Variants in FRMPD2 observed in about 807,000 individuals in gnomAD.
FRMPD2 encodes the protein FERM and PDZ domain containing 2.
Under a neutral mutation model 140.1 loss-of-function variants are expected in FRMPD2, and 96 were observed. That is an observed-to-expected ratio of 0.69 (90% confidence interval 0.58 to 0.81). The LOEUF is 0.81. Among genes scored for constraint, FRMPD2 ranks in the 40% least tolerant of loss-of-function variants. The pLI is 0.00. For synonymous variants in FRMPD2, 449 were observed against 547.6 expected (o/e 0.82, Z 2.52); for missense variants, 1,240 against 1,447.4 (o/e 0.86, Z 2.32).
chr10:48,201,511 G>T (rs901099949), intron 14 of FRMPD2, 127 bp from the exon 15 acceptor site: 1 of 678,496 alleles, frequency 1.5e-6, no homozygotes, highest in Non-Finnish European at 2.5e-6. Flanking sequence ...GTGCATGGCA[G>T]ATGCTGTCTG....
intron 1 of FRMPD2, among the ~76,000 whole-genome samples, chr10:48,271,029 T>G (rs1038120223): frequency 1.3e-5 from 2 of 152,202 alleles, no homozygotes; most frequent in Non-Finnish European, 2.9e-5. Context: ...AACACAAATC[T>G]GACCATGTCA....
At position 48,174,873 on chromosome 10, in the gene FRMPD2, C is replaced by T; in HGVS notation, c.3072G>A (p.Gly1024=). The T allele has an allele frequency of 8.3e-6, 5 of 604,846 alleles. No homozygotes were observed. The South Asian group carries it at 9.8e-5, about 12-fold the overall frequency. The allele number at this position is 604,846 out of a possible 1,614,324, so 37.5% of individuals were successfully genotyped here. Residue 1024 remains glycine, a synonymous_variant, in exon 24 of 29, where the codon GGG becomes GGA. Coordinates refer to ENST00000374201, the MANE Select transcript of FRMPD2 (RefSeq NM_001018071.4). ...TGGTCAGCAACAGTCCACTCACCTGCCCAGGACCCGTCAGGCACTGCACAG... is the reference window on the plus strand; with the variant it reads ...TGGTCAGCAACAGTCCACTCACCTGTCCAGGACCCGTCAGGCACTGCACAG... ...KQAVQCLTGP[G]QVARLVLERR...
rs1837786683 is a variant in FRMPD2, at chr10:48,156,751, A to T, written c.*571T>A. ...CCCAGTTCTAAGACAGACTCGTCAC[A>T]TGGCAAGCAGAGTCGGTCAGACTTT... On this transcript the variant is annotated 3_prime_UTR_variant, in exon 29 of 29. Coordinates refer to ENST00000374201, the MANE Select transcript of FRMPD2 (RefSeq NM_001018071.4). The T allele has an allele frequency of 5.5e-6, 1 of 181,340 alleles. No individual in the cohort carries two copies. Among genetic ancestry groups the T allele is most frequent in the South Asian group, 1.0e-4 (1 of 9,558 alleles). The allele number at this position is 181,340 out of a possible 1,614,324, so 11.2% of individuals were successfully genotyped here. A position where few individuals can be genotyped will look rare whatever the true frequency, so the allele number is the denominator to read the frequency against.
At position 48,223,619 on chromosome 10, in the gene FRMPD2, A is replaced by C. The variant is rs555638554; in HGVS notation, c.1169-349T>G. Among the ~76,000 whole-genome samples the C allele has an allele frequency of 1.1e-4, 17 of 152,326 alleles. No homozygotes were observed. In the South Asian group the frequency reaches 3.5e-3, roughly 32 times the overall value. On this transcript the variant is annotated intron_variant, in intron 10 of 28. Coordinates refer to ENST00000374201, the MANE Select transcript of FRMPD2 (RefSeq NM_001018071.4). ...GAAAGGAGTTTGACTAAGTTTGTGC[A>C]ATGTGCCAGAACCCTCCACCTCAGC...
chr10:48,182,698 CATT>C (rs10539781), intron 20 of FRMPD2, among the ~76,000 whole-genome samples: 34,670 of 152,046 alleles, frequency 0.23, 4,023 homozygotes, highest in East Asian at 0.43. Context: ...GTGGGAAACT[CATT>C]GTCTGGAATT....
At chr10:48,229,379 C>G (rs1362047302) in intron 10 of FRMPD2, among the ~76,000 whole-genome samples, 1 of 152,024 alleles carries the variant, frequency 6.6e-6, no homozygotes, top group East Asian at 1.9e-4. Context: ...GGTTTTAAAC[C>G]TTTTGACAGT....
At chr10:48,190,431 C>G (rs910301016) in intron 16 of FRMPD2, among the ~76,000 whole-genome samples, 5 of 152,238 alleles carry the variant, frequency 3.3e-5, no homozygotes, top group Non-Finnish European at 7.3e-5. Flanking sequence ...GGCCTCTGCA[C>G]ACCTCTGTGG....
chr10:48,254,607 AC>A (rs1468099190), intron 1 of FRMPD2, among the ~76,000 whole-genome samples: 2 of 152,262 alleles, frequency 1.3e-5, no homozygotes, highest in Non-Finnish European at 2.9e-5. Flanking sequence ...GCCCACTGCT[AC>A]TTCCTTGAAC....
intron 12 of FRMPD2, among the ~76,000 whole-genome samples, chr10:48,212,859 A>G (rs1839361901): frequency 6.6e-6 from 1 of 152,220 alleles, no homozygotes; most frequent in Non-Finnish European, 1.5e-5. Flanking sequence ...AAAAGTCTGC[A>G]GAAGTCCATG....
intron 17 of FRMPD2, 103 bp downstream of exon 17, chr10:48,187,089 A>G: frequency 1.4e-6 from 1 of 709,008 alleles, no homozygotes; most frequent in Non-Finnish European, 2.4e-6. Context: ...GAAGGTTACA[A>G]ACATTGTGTG....
chr10:48,256,193 G>T (rs1409350825), intron 1 of FRMPD2, among the ~76,000 whole-genome samples: 1 of 152,246 alleles, frequency 6.6e-6, no homozygotes, highest in South Asian at 2.1e-4. Flanking sequence ...TTAATCAAGG[G>T]CAAAGCTCGC....
At chr10:48,190,826 C>T (rs1246940252) in intron 16 of FRMPD2, among the ~76,000 whole-genome samples, 1 of 152,174 alleles carries the variant, frequency 6.6e-6, no homozygotes, top group African/African-American at 2.4e-5. Context: ...CCCTACTGTG[C>T]GTGACCACTG....
chr10:48,256,911 T>C (rs1408861133), intron 1 of FRMPD2, among the ~76,000 whole-genome samples: 1 of 152,212 alleles, frequency 6.6e-6, no homozygotes, highest in Non-Finnish European at 1.5e-5. Context: ...CTGTGCCTTC[T>C]ATAACAAATT....
chr10:48,211,901 T>C, intron 13 of FRMPD2, 53 bp downstream of exon 13: 1 of 1,562,234 alleles, frequency 6.4e-7, no homozygotes, highest in Non-Finnish European at 8.7e-7. Flanking sequence ...AGGGGATTGC[T>C]GGCTGCATTC....
In FRMPD2 at chr10:48,232,193, CT is replaced by C. The variant is rs1564433387; in HGVS notation, c.1089del (p.Val364TrpfsTer8). 3 of 1,614,200 alleles carry C rather than the reference CT, an allele frequency of 1.9e-6. No individual in the cohort carries two copies. In the African/African-American group the frequency reaches 4.0e-5, roughly 22 times the overall value. ...HLEVKCDVES[T>X]VGAVFNAVTS... is the part of the protein sequence containing the mutation. ...GTCACGGCATTGAAGACAGCTCCCA[CT>C]GTTGATTCAACATCACATTTTACCT... On this transcript the variant is annotated frameshift_variant, in exon 10 of 29. Transcript: ENST00000374201. LOFTEE classifies it high-confidence loss of function.
rs1433741471 is a variant in FRMPD2 at position 48,242,429 on chromosome 10, C to T, written c.376-77G>A. The T allele has an allele frequency of 4.5e-6, 6 of 1,342,316 alleles. No individual in the cohort carries two copies. The Admixed American group carries it at 1.0e-4, about 23-fold the overall frequency. 83.2% of individuals were successfully genotyped at this position (1,342,316 alleles called of 1,614,324 possible). ...CGAGGCCAGCACCTTGTCAGGCAGG[C>T]CTTGGAGACATGGAAACGGGTGTTC... On this transcript the variant is annotated intron_variant, in intron 4 of 28. Coordinates refer to ENST00000374201, the MANE Select transcript of FRMPD2 (RefSeq NM_001018071.4).
intron 13 of FRMPD2, among the ~76,000 whole-genome samples, chr10:48,207,589 C>G (rs969955036): frequency 6.6e-6 from 1 of 152,170 alleles, no homozygotes; most frequent in African/African-American, 2.4e-5. Context: ...GTTAGGCCAC[C>G]AACTTCTTAA....
Position 48,222,409 on chromosome 10 carries a change from T to C in FRMPD2, c.1359A>G (p.Lys453=). Residue 453 remains lysine (K), a synonymous_variant, in exon 12 of 29, where the codon AAA becomes AAG. Coordinates refer to ENST00000374201, the MANE Select transcript of FRMPD2 (RefSeq NM_001018071.4). ...AGTACAGCCTCTCCTCCAGGATATC[T>C]TTCCGAAGCTGCAGGTAAAACTGGT... The part of the protein sequence containing the change: ...TRHQFYLQLR[K]DILEERLYCN... 1 of 1,614,150 alleles carries C rather than the reference T, an allele frequency of 6.2e-7. No individual in the cohort carries two copies. Among genetic ancestry groups the C allele is most frequent in the African/African-American group, 1.3e-5 (1 of 75,050 alleles).
intron 13 of FRMPD2, among the ~76,000 whole-genome samples, chr10:48,209,188 G>A (rs1300120973): frequency 6.6e-6 from 1 of 152,124 alleles, no homozygotes; most frequent in Non-Finnish European, 1.5e-5. Flanking sequence ...GAGTGCATTT[G>A]TTATAATGCT....
Sources: gnomAD v4.1 joint callset for allele counts (sites outside exome capture counted in the v4.1 genomes callset) on GRCh38, gnomAD v4.1.1 for gene constraint, MANE v1.5 for transcripts, NCBI Gene and HGNC (gene_info 2026-07-23, HGNC 2026-07-21) for gene names.